The following ADGRB3 variants were observed in gnomAD, a reference collection of about 807,000 sequenced individuals.
The protein encoded by ADGRB3 is brain-specific angiogenesis inhibitor 3.
In ADGRB3, 37 loss-of-function variants were observed where a neutral mutation model predicts 193.4. That is an observed-to-expected ratio of 0.19 (90% confidence interval 0.15 to 0.25). ADGRB3 has a LOEUF of 0.25. Ranked by LOEUF, ADGRB3 falls within the 10% of genes least tolerant of loss-of-function variation. The pLI, the probability that ADGRB3 is intolerant of heterozygous loss-of-function variation, is 1.00. For missense variants in ADGRB3, 1,637 were observed against 1,852.9 expected (o/e 0.88, Z 2.14); for synonymous variants, 690 against 644.2 (o/e 1.07, Z -1.08).
chr6:69,286,119 A>T (rs1305971003), intron 20 of ADGRB3, among the ~76,000 whole-genome samples: 1 of 152,156 alleles, frequency 6.6e-6, no homozygotes, highest in African/African-American at 2.4e-5. Flanking sequence ...TAGATAAAGA[A>T]GACAATTTTC....
chr6:69,063,456 A>G (rs964755386), intron 16 of ADGRB3, among the ~76,000 whole-genome samples: 8 of 152,168 alleles, frequency 5.3e-5, no homozygotes, highest in African/African-American at 1.7e-4. Context: ...AAAGCATTAA[A>G]CTATATACTT....
At chr6:68,788,059 G>A (rs1293814701) in intron 3 of ADGRB3, among the ~76,000 whole-genome samples, 4 of 151,768 alleles carry the variant, frequency 2.6e-5, no homozygotes, top group Non-Finnish European at 5.9e-5. Context: ...TTCTTTATTA[G>A]TCTTGCCAGC....
chr6:69,389,200 C>T lies in ADGRB3; in HGVS notation c.*309C>T, dbSNP rs1582673701. 5.0e-6 allele frequency: 1 copy of T among 199,074 alleles called. No individual in the cohort carries two copies. The highest frequency in any genetic ancestry group is 1.0e-5 in the Non-Finnish European group (1 of 96,986). 12.3% of individuals were successfully genotyped at this position (199,074 alleles called of 1,614,324 possible). On this transcript the variant is annotated 3_prime_UTR_variant, in exon 32 of 32. Coordinates refer to ENST00000370598, the MANE Select transcript of ADGRB3 (RefSeq NM_001704.3). The stretch of plus-strand genomic sequence containing the variant: ...TTCATATGGTTTAGTTTTCAAAAAA[C>T]TTCACCATGAAGCACAATGTATATA...
In ADGRB3 at chr6:69,283,209, T is replaced by C. The variant is rs143632804; in HGVS notation, c.2815-41663T>C. On this transcript the variant is annotated intron_variant, in intron 20 of 31. Transcript: ENST00000370598. ...GGAGATATATTAAAAGATATTTGTTTTTGCTTCTGTTTTGTAACAGGGTAG... is the reference window on the plus strand; with the variant it reads ...GGAGATATATTAAAAGATATTTGTTCTTGCTTCTGTTTTGTAACAGGGTAG... Among the ~76,000 whole-genome samples the C allele has an allele frequency of 2.7e-4, 41 of 152,278 alleles. No individual in the cohort carries two copies. The East Asian group carries it at 7.7e-3, about 29-fold the overall frequency.
At chr6:69,003,563 A>C (rs917527692) in intron 11 of ADGRB3, among the ~76,000 whole-genome samples, 1 of 152,110 alleles carries the variant, frequency 6.6e-6, no homozygotes, top group Non-Finnish European at 1.5e-5. Context: ...AATCACTCCA[A>C]GTCATCTAAA....
chr6:68,670,211 T>C (rs1768911195), intron 3 of ADGRB3, among the ~76,000 whole-genome samples: 1 of 152,056 alleles, frequency 6.6e-6, no homozygotes, highest in Admixed American at 6.6e-5. Flanking sequence ...CTTCTCCCAC[T>C]CTGTGAATTG....
intron 3 of ADGRB3, among the ~76,000 whole-genome samples, chr6:68,795,329 T>C (rs1007095865): frequency 1.3e-5 from 2 of 152,032 alleles, no homozygotes; most frequent in African/African-American, 4.8e-5. Context: ...TAAATGAAAT[T>C]ATTCTAAAGA....
At chr6:68,777,097 A>G (rs1224009780) in intron 3 of ADGRB3, among the ~76,000 whole-genome samples, 2 of 152,260 alleles carry the variant, frequency 1.3e-5, no homozygotes, top group Non-Finnish European at 1.5e-5. Context: ...GTATAATACA[A>G]TCCAACTTTC....
At position 69,239,166 on chromosome 6, in the gene ADGRB3, C is replaced by T. The variant is rs1363274150; in HGVS notation, c.2754C>T (p.Cys918=). The T allele has an allele frequency of 1.9e-6, 3 of 1,604,412 alleles. No homozygotes were observed. Among genetic ancestry groups the T allele is most frequent in the Admixed American group, 3.3e-5 (2 of 59,864 alleles). The change falls in exon 20 of 32, where the codon TGC becomes TGT. Residue 918 remains cysteine (C), a synonymous_variant. Transcript: ENST00000370598. ...GATCCATAATACTAATTAACTTCTGCCTGTCTATCATCTCATCCAATATCC... is the reference window on the plus strand; with the variant it reads ...GATCCATAATACTAATTAACTTCTGTCTGTCTATCATCTCATCCAATATCC... ...SERSIILINF[C]LSIISSNILI... is the part of the protein sequence containing the mutation.
At chr6:68,856,725 G>C (rs1309580369) in intron 3 of ADGRB3, among the ~76,000 whole-genome samples, 1 of 152,232 alleles carries the variant, frequency 6.6e-6, no homozygotes, top group Non-Finnish European at 1.5e-5. Context: ...TTTCTGGGGA[G>C]AAATTCAAGC....
At chr6:69,106,477 G>A (rs895706334) in intron 17 of ADGRB3, among the ~76,000 whole-genome samples, 4 of 152,004 alleles carry the variant, frequency 2.6e-5, no homozygotes, top group African/African-American at 4.8e-5. Context: ...AAATGCATTC[G>A]TGTACCCTCC....
chr6:69,092,653 T>C (rs1216951110), intron 17 of ADGRB3, among the ~76,000 whole-genome samples: 5 of 152,052 alleles, frequency 3.3e-5, no homozygotes, highest in African/African-American at 1.2e-4. Flanking sequence ...TTACAGTTAG[T>C]GATGAAAACA....
chr6:69,188,206 T>C (rs1765107914), intron 17 of ADGRB3, among the ~76,000 whole-genome samples: 2 of 152,194 alleles, frequency 1.3e-5, no homozygotes, highest in African/African-American at 4.8e-5. Context: ...GTTTGTTTTT[T>C]GCTTTTACCC....
chr6:69,211,057 G>A (rs895097704), intron 17 of ADGRB3, among the ~76,000 whole-genome samples: 1 of 152,220 alleles, frequency 6.6e-6, no homozygotes, highest in Non-Finnish European at 1.5e-5. Context: ...GGGAGGCAGA[G>A]CTTGCAGTGA....
intron 3 of ADGRB3, among the ~76,000 whole-genome samples, chr6:68,880,744 C>T (rs551167685): frequency 6.7e-4 from 100 of 149,252 alleles, no homozygotes; most frequent in African/African-American, 2.4e-3. Context: ...AGGAAAAAAG[C>T]CAACAGAGCT....
chr6:68,794,021 C>A (rs574103443), intron 3 of ADGRB3, among the ~76,000 whole-genome samples: 12 of 152,230 alleles, frequency 7.9e-5, no homozygotes, highest in African/African-American at 2.4e-4. Flanking sequence ...GCATGTAAAG[C>A]TGTCTCATTA....
At chr6:68,756,828 G>A (rs570008535) in intron 3 of ADGRB3, among the ~76,000 whole-genome samples, 17 of 152,136 alleles carry the variant, frequency 1.1e-4, no homozygotes, top group Admixed American at 3.3e-4. Context: ...AATTGTTTAC[G>A]TATAGTGTTT....
chr6:68,968,292 T>C (rs1768450381), intron 8 of ADGRB3, among the ~76,000 whole-genome samples: 1 of 152,024 alleles, frequency 6.6e-6, no homozygotes, highest in Admixed American at 6.6e-5. Context: ...TAACTACACA[T>C]TTGACCGTGG....
intron 6 of ADGRB3, among the ~76,000 whole-genome samples, chr6:68,949,756 T>C (rs77278496): frequency 6.6e-6 from 1 of 152,180 alleles, no homozygotes; most frequent in Non-Finnish European, 1.5e-5. Flanking sequence ...TTTTATGTCA[T>C]TTTAGATTTT....
Sources: allele counts gnomAD v4.1 joint callset (sites outside exome capture counted in the v4.1 genomes callset), GRCh38; gene constraint gnomAD v4.1.1; transcripts MANE v1.5; gene names NCBI Gene and HGNC (gene_info 2026-07-23, HGNC 2026-07-21).